MEMO1: variants seen among roughly 807,000 people sequenced by gnomAD.
MEMO1 encodes the protein mediator of cell motility 1, also known as protein MEMO1.
In MEMO1, 6 loss-of-function variants were observed where a neutral mutation model predicts 45.2. That is an observed-to-expected ratio of 0.13 (90% CI 0.07 to 0.26). The LOEUF (loss-of-function observed/expected upper bound fraction) is 0.26. MEMO1 is among the 10% of genes least tolerant of loss of function. The pLI, the probability that MEMO1 is intolerant of heterozygous loss-of-function variation, is 1.00. For missense variants in MEMO1, 184 were observed against 370.5 expected (o/e 0.50, Z 4.13); for synonymous variants, 78 against 124.3 (o/e 0.63, Z 2.48).
chr2:31,886,505 T>A (rs1676215970), intron 7 of MEMO1, among the ~76,000 whole-genome samples: 1 of 152,104 alleles, frequency 6.6e-6, no homozygotes, highest in Non-Finnish European at 1.5e-5. Flanking sequence ...TTTAAAAGTG[T>A]CTCAAAATTT....
chr2:31,989,945 C>G (rs770503868), intron 2 of MEMO1, among the ~76,000 whole-genome samples: 1 of 152,084 alleles, frequency 6.6e-6, no homozygotes, highest in Non-Finnish European at 1.5e-5. Flanking sequence ...TGGTGAAACC[C>G]TGTCTCTACA....
chr2:31,933,089 T>A, intron 3 of MEMO1, among the ~76,000 whole-genome samples: 1 of 150,226 alleles, frequency 6.7e-6, no homozygotes, highest in African/African-American at 2.5e-5. Flanking sequence ...TTTAAGGGGG[T>A]AAAAATAAAT....
chr2:32,009,236 C>T (rs894710685), intron 2 of MEMO1, among the ~76,000 whole-genome samples: 1 of 152,180 alleles, frequency 6.6e-6, no homozygotes, highest in African/African-American at 2.4e-5. Flanking sequence ...TTAGGTAGTT[C>T]CAGCACCTGC....
At chr2:32,010,820 C>T (rs1674832360) in intron 1 of MEMO1, 122 bp downstream of exon 1, 1 of 152,278 alleles carries the variant, frequency 6.6e-6, no homozygotes, top group African/African-American at 2.4e-5. Context: ...GGCCTGACGG[C>T]ATCTGGGGTC....
intron 4 of MEMO1, among the ~76,000 whole-genome samples, chr2:31,930,410 C>T (rs1357438031): frequency 6.6e-6 from 1 of 152,156 alleles, no homozygotes; most frequent in East Asian, 1.9e-4. Context: ...TTCTTTCTCA[C>T]TTTCCATTAA....
At chr2:31,995,028 G>A (rs75699750) in intron 2 of MEMO1, among the ~76,000 whole-genome samples, 9,722 of 151,614 alleles carry the variant, frequency 0.064, 454 homozygotes, top group Non-Finnish European at 0.097. Flanking sequence ...AAGGCAGGCA[G>A]GCAAACATGA....
At chr2:31,963,321 A>T in intron 2 of MEMO1, 1 of 1,420,834 alleles carries the variant, frequency 7.0e-7, no homozygotes, top group South Asian at 1.6e-5. Context: ...TATAGATACA[A>T]ATATAGTTAT....
At chr2:31,923,866 A>G (rs1682694242) in intron 4 of MEMO1, 1 of 1,129,910 alleles carries the variant, frequency 8.9e-7, no homozygotes, top group Admixed American at 3.4e-5. Flanking sequence ...AGAAATAAAC[A>G]CCAGAGGTCT....
intron 3 of MEMO1, among the ~76,000 whole-genome samples, chr2:31,937,943 A>T (rs1461096886): frequency 6.6e-6 from 1 of 152,226 alleles, no homozygotes. Flanking sequence ...ATTGGTATGA[A>T]GATATCTGGA....
intron 6 of MEMO1, among the ~76,000 whole-genome samples, chr2:31,909,596 T>G (rs1470992761): frequency 6.6e-6 from 1 of 152,046 alleles, no homozygotes; most frequent in South Asian, 2.1e-4. Context: ...GAAACACTGA[T>G]GAAAGGAATT....
chr2:31,979,645 T>A (rs1365267336), intron 2 of MEMO1, among the ~76,000 whole-genome samples: 2 of 152,186 alleles, frequency 1.3e-5, no homozygotes, highest in Admixed American at 1.3e-4. Context: ...TATGTAATTT[T>A]AATCCCAATT....
At chr2:31,933,335 AAAAAAAAAAAAAAATTTATATAT>A (rs1558514074) in intron 3 of MEMO1, among the ~76,000 whole-genome samples, 1 of 63,776 alleles carries the variant, frequency 1.6e-5, no homozygotes, top group Non-Finnish European at 2.7e-5. Flanking sequence ...AAAAAAAAAA[AAAAAAAAAAAAAAATTTATATAT>A]ATATATATAT....
chr2:31,924,405 G>T (rs961000645), intron 4 of MEMO1, among the ~76,000 whole-genome samples: 1 of 150,278 alleles, frequency 6.7e-6, no homozygotes, highest in Admixed American at 6.6e-5. Context: ...CTTTAAAGGC[G>T]TAACTTTTCA....
rs537686369 is a variant in MEMO1 at position 31,905,519 on chromosome 2, A to G, written c.437+12407T>C. On this transcript the variant is annotated intron_variant, in intron 6 of 9. Coordinates refer to ENST00000404530, the MANE Select transcript of MEMO1 (RefSeq NM_001301833.4). ...GTACTAGAGAGCCATTCTAAACTCT[A>G]TTTTTAAAACTCAACCATTTGAAGC... 9.8e-5 allele frequency among the ~76,000 whole-genome samples: 15 copies of G among 152,342 alleles called. No individual in the cohort carries two copies. In the South Asian group the frequency reaches 1.0e-3, roughly 11 times the overall value.
At chr2:32,003,398 C>T (rs1452054913) in intron 2 of MEMO1, among the ~76,000 whole-genome samples, 1 of 152,120 alleles carries the variant, frequency 6.6e-6, no homozygotes, top group Non-Finnish European at 1.5e-5. Context: ...AATAATATAA[C>T]CACTATTTGC....
At chr2:31,955,503 C>T (rs577255109) in intron 2 of MEMO1, among the ~76,000 whole-genome samples, 1 of 152,160 alleles carries the variant, frequency 6.6e-6, no homozygotes, top group Non-Finnish European at 1.5e-5. Flanking sequence ...GACTCTTAGA[C>T]CCTAGGTGAT....
intron 2 of MEMO1, among the ~76,000 whole-genome samples, chr2:32,004,844 T>C (rs1673849342): frequency 6.6e-6 from 1 of 151,824 alleles, no homozygotes; most frequent in Admixed American, 6.6e-5. Context: ...GGAGAACTGC[T>C]TGAACCCGGG....
chr2:31,923,861 T>C (rs1682693860), intron 4 of MEMO1: 5 of 1,171,288 alleles, frequency 4.3e-6, no homozygotes, highest in Non-Finnish European at 5.8e-6. Flanking sequence ...GCTCCAGAAA[T>C]AAACACCAGA....
At chr2:31,889,049 C>A (rs1271925119) in intron 7 of MEMO1, among the ~76,000 whole-genome samples, 3 of 151,974 alleles carry the variant, frequency 2.0e-5, no homozygotes, top group Non-Finnish European at 1.5e-5. Flanking sequence ...ATAAGGTCAA[C>A]AAGAAAAATC....
Sources: gnomAD v4.1 joint callset for allele counts (sites outside exome capture counted in the v4.1 genomes callset) on GRCh38, gnomAD v4.1.1 for gene constraint, MANE v1.5 for transcripts, NCBI Gene and HGNC (gene_info 2026-07-23, HGNC 2026-07-21) for gene names.